Variants in MPPED2 observed in about 807,000 individuals in gnomAD.
MPPED2 encodes metallophosphoesterase MPPED2.
Under a neutral mutation model 33.0 loss-of-function variants are expected in MPPED2, and 5 were observed. That is an observed-to-expected ratio of 0.15 (90% CI 0.08 to 0.32). The LOEUF (loss-of-function observed/expected upper bound fraction) is 0.32, where lower values mean the gene tolerates loss of function less well. MPPED2 is among the 10% of genes least tolerant of loss of function. MPPED2 has a pLI of 1.00. For missense variants in MPPED2, 275 were observed against 372.1 expected (o/e 0.74, Z 2.15); for synonymous variants, 136 against 141.9 (o/e 0.96, Z 0.29).
chr11:30,404,035 C>A (rs1176437199), intron 6 of MPPED2, among the ~76,000 whole-genome samples: 1 of 152,194 alleles, frequency 6.6e-6, no homozygotes, highest in Non-Finnish European at 1.5e-5. Context: ...GTTTTCATTT[C>A]TCATCATCCA....
intron 6 of MPPED2, chr11:30,389,093 A>G (rs1947738904): frequency 7.9e-7 from 1 of 1,261,852 alleles, no homozygotes; most frequent in Non-Finnish European, 1.0e-6. Context: ...TCTCTAGAGG[A>G]CCAACTGTGT....
chr11:30,560,023 T>C (rs907227128), intron 2 of MPPED2, among the ~76,000 whole-genome samples: 3 of 152,224 alleles, frequency 2.0e-5, no homozygotes, highest in African/African-American at 7.2e-5. Flanking sequence ...TTATAGGTTA[T>C]CTAAGAACTC....
chr11:30,502,006 T>C (rs1009653984), intron 3 of MPPED2, among the ~76,000 whole-genome samples: 1 of 152,210 alleles, frequency 6.6e-6, no homozygotes, highest in Non-Finnish European at 1.5e-5. Flanking sequence ...CCAGAGCAGC[T>C]ATGCTTTCCT....
chr11:30,448,979 CTG>C (rs1268861504), intron 4 of MPPED2, among the ~76,000 whole-genome samples: 3 of 152,174 alleles, frequency 2.0e-5, no homozygotes, highest in Non-Finnish European at 2.9e-5. Context: ...TAACCACATG[CTG>C]TATGTTTCCT....
chr11:30,564,482 T>C (rs1055203261), intron 2 of MPPED2, among the ~76,000 whole-genome samples: 7 of 152,186 alleles, frequency 4.6e-5, no homozygotes, highest in African/African-American at 1.4e-4. Context: ...CCCTCATTTA[T>C]GGATGAGAAC....
intron 4 of MPPED2, among the ~76,000 whole-genome samples, chr11:30,424,294 G>A (rs1948737983): frequency 6.6e-6 from 1 of 152,142 alleles, no homozygotes; most frequent in Admixed American, 6.5e-5. Flanking sequence ...CTGCTGCCTG[G>A]CACCTCTATT....
At chr11:30,456,544 G>T (rs925885179) in intron 4 of MPPED2, among the ~76,000 whole-genome samples, 2 of 152,024 alleles carry the variant, frequency 1.3e-5, no homozygotes, top group Non-Finnish European at 2.9e-5. Context: ...CCAATCCTGT[G>T]TGTGTGCGTG....
exon 7 of MPPED2, chr11:30,387,856 CT>C: frequency 6.6e-6 from 1 of 152,374 alleles, no homozygotes; most frequent in Non-Finnish European, 1.5e-5. Context: ...AGACCTGGCC[CT>C]TTTAGAGTTC....
chr11:30,569,505 G>A (rs886321314), intron 2 of MPPED2, among the ~76,000 whole-genome samples: 2 of 152,104 alleles, frequency 1.3e-5, no homozygotes, highest in African/African-American at 4.8e-5. Context: ...TACCCAAAAT[G>A]TATGGGTGAA....
chr11:30,467,876 C>T (rs898142100), intron 4 of MPPED2, among the ~76,000 whole-genome samples: 1 of 152,070 alleles, frequency 6.6e-6, no homozygotes, highest in African/African-American at 2.4e-5. Flanking sequence ...TAGGAGGGGG[C>T]TGGTTTTATT....
chr11:30,578,721 C>A (rs949508285), intron 2 of MPPED2, among the ~76,000 whole-genome samples: 1 of 151,998 alleles, frequency 6.6e-6, no homozygotes, highest in African/African-American at 2.4e-5. Flanking sequence ...AACATAACAC[C>A]AGCAAAACAG....
At chr11:30,514,640 CT>C (rs1239495013) in intron 3 of MPPED2, among the ~76,000 whole-genome samples, 1 of 152,146 alleles carries the variant, frequency 6.6e-6, no homozygotes, top group African/African-American at 2.4e-5. Flanking sequence ...CCAAGCAAAG[CT>C]TTTTGTATAC....
At chr11:30,455,178 C>G (rs958759080) in intron 4 of MPPED2, among the ~76,000 whole-genome samples, 2 of 152,212 alleles carry the variant, frequency 1.3e-5, no homozygotes, top group African/African-American at 4.8e-5. Flanking sequence ...TGAAACGTCA[C>G]TACATATTGC....
intron 3 of MPPED2, among the ~76,000 whole-genome samples, chr11:30,508,667 T>C (rs1314122914): frequency 2.6e-5 from 4 of 152,190 alleles, no homozygotes; most frequent in African/African-American, 7.2e-5. Context: ...TCTGATCATA[T>C]ACACTCCCTC....
chr11:30,421,728 A>C (rs1165631084), intron 4 of MPPED2, among the ~76,000 whole-genome samples: 2 of 152,300 alleles, frequency 1.3e-5, no homozygotes, highest in Non-Finnish European at 2.9e-5. Flanking sequence ...ATGCTGACCA[A>C]AACCTACTAG....
chr11:30,574,304 G>T (rs1956828853), intron 2 of MPPED2, among the ~76,000 whole-genome samples: 1 of 151,940 alleles, frequency 6.6e-6, no homozygotes, highest in African/African-American at 2.4e-5. Context: ...AGTTATTATT[G>T]TGTTACAATG....
intron 4 of MPPED2, 42 bp from the exon 5 acceptor site, chr11:30,417,675 C>A (rs1227436270): frequency 2.7e-6 from 3 of 1,114,890 alleles, no homozygotes; most frequent in Non-Finnish European, 4.1e-6. Flanking sequence ...CCAGCAGAGC[C>A]ACGGCTCCGC....
At chr11:30,471,598 G>A (rs1247577858) in intron 4 of MPPED2, among the ~76,000 whole-genome samples, 5 of 152,154 alleles carry the variant, frequency 3.3e-5, no homozygotes, top group Non-Finnish European at 7.3e-5. Context: ...CAAAATTGCT[G>A]TAGCACTTGT....
At chr11:30,579,936 C>T (rs1957091463) in intron 2 of MPPED2, among the ~76,000 whole-genome samples, 1 of 152,066 alleles carries the variant, frequency 6.6e-6, no homozygotes, top group African/African-American at 2.4e-5. Flanking sequence ...GGCAAATTCG[C>T]TGTGTGGCAA....
Sources: gnomAD v4.1 joint callset for allele counts (sites outside exome capture counted in the v4.1 genomes callset) on GRCh38, gnomAD v4.1.1 for gene constraint, MANE v1.5 for transcripts, NCBI Gene and HGNC (gene_info 2026-07-23, HGNC 2026-07-21) for gene names.